Variants in ZHX2 observed in about 807,000 individuals in gnomAD.
The protein encoded by ZHX2 is zinc fingers and homeoboxes 2.
Under a neutral mutation model 21.9 loss-of-function variants are expected in ZHX2, and 6 were observed. The observed-to-expected ratio is 0.27, with a 90% confidence interval of 0.15 to 0.54. The LOEUF is 0.54. ZHX2 is among the 20% of genes least tolerant of loss of function. The pLI, the probability that ZHX2 is intolerant of heterozygous loss-of-function variation, is 0.95. For missense variants in ZHX2, 908 were observed against 1,090.7 expected, an observed-to-expected ratio of 0.83 and a Z score of 2.36; for synonymous variants, 434 against 437.1, an observed-to-expected ratio of 0.99 and a Z score of 0.09.
chr8:122,880,222 C>T (rs1346129424), intron 2 of ZHX2, among the ~76,000 whole-genome samples: 1 of 152,010 alleles, frequency 6.6e-6, no homozygotes, highest in Admixed American at 6.5e-5. Context: ...GATTCACCCG[C>T]CTCAGCCTCC....
At chr8:122,858,943 A>G (rs548954312) in intron 1 of ZHX2, among the ~76,000 whole-genome samples, 32 of 152,256 alleles carry the variant, frequency 2.1e-4, no homozygotes, top group African/African-American at 7.0e-4. Flanking sequence ...GCCCAGCCCA[A>G]TTCAGGTTAA....
chr8:122,865,305 T>G (rs1819264020), intron 2 of ZHX2, among the ~76,000 whole-genome samples: 1 of 152,052 alleles, frequency 6.6e-6, no homozygotes, highest in Admixed American at 6.5e-5. Context: ...ATTTTTTGTA[T>G]TTTTAGTAGA....
chr8:122,803,164 C>G (rs1018763895), intron 1 of ZHX2, among the ~76,000 whole-genome samples: 1 of 152,138 alleles, frequency 6.6e-6, no homozygotes, highest in Non-Finnish European at 1.5e-5. Context: ...GCAAAGCAAA[C>G]GCAGCCAGAT....
intron 2 of ZHX2, among the ~76,000 whole-genome samples, chr8:122,916,308 C>T (rs1403575739): frequency 4.6e-5 from 7 of 152,256 alleles, no homozygotes; most frequent in East Asian, 1.9e-4. Context: ...ATCTTCCAGC[C>T]GCATCCTTTT....
At chr8:122,955,333 C>T (rs774738254) in intron 3 of ZHX2, among the ~76,000 whole-genome samples, 7 of 152,088 alleles carry the variant, frequency 4.6e-5, no homozygotes, top group Non-Finnish European at 1.0e-4. Context: ...TAAAATACCA[C>T]GGAATGGGCC....
intron 2 of ZHX2, among the ~76,000 whole-genome samples, chr8:122,874,915 T>C (rs1819526889): frequency 6.6e-6 from 1 of 151,496 alleles, no homozygotes; most frequent in Non-Finnish European, 1.5e-5. Flanking sequence ...TGGGTTTATG[T>C]CCCAGCTCTA....
chr8:122,971,146 C>T (rs184950968), intron 3 of ZHX2, among the ~76,000 whole-genome samples: 32 of 152,286 alleles, frequency 2.1e-4, no homozygotes, highest in African/African-American at 6.7e-4. Flanking sequence ...ATGAGATGAG[C>T]CGTATTACCA....
chr8:122,834,580 C>T (rs1015052743), intron 1 of ZHX2, among the ~76,000 whole-genome samples: 1 of 152,224 alleles, frequency 6.6e-6, no homozygotes, highest in Non-Finnish European at 1.5e-5. Context: ...TTTTACTTTC[C>T]TCATCACGAT....
intron 2 of ZHX2, among the ~76,000 whole-genome samples, chr8:122,897,144 A>G (rs1165929176): frequency 6.6e-6 from 1 of 152,174 alleles, no homozygotes; most frequent in African/African-American, 2.4e-5. Flanking sequence ...GGCACTGAGC[A>G]CTGGAGTCAC....
At chr8:122,932,370 GT>G (rs1821015278) in intron 2 of ZHX2, among the ~76,000 whole-genome samples, 1 of 152,162 alleles carries the variant, frequency 6.6e-6, no homozygotes, top group African/African-American at 2.4e-5. Context: ...TAAAGTCAAG[GT>G]ATTGGCGGGC....
At chr8:122,935,895 A>T (rs1488027737) in intron 2 of ZHX2, among the ~76,000 whole-genome samples, 2 of 151,236 alleles carry the variant, frequency 1.3e-5, no homozygotes, top group Non-Finnish European at 2.9e-5. Flanking sequence ...AGCACTTACC[A>T]CTCTAAGTTC....
chr8:122,818,198 C>T (rs1370524561), intron 1 of ZHX2, among the ~76,000 whole-genome samples: 2 of 152,066 alleles, frequency 1.3e-5, no homozygotes, highest in Non-Finnish European at 2.9e-5. Context: ...AACATTTCAT[C>T]CAGATTTACA....
chr8:122,932,561 C>T (rs1250241324), intron 2 of ZHX2, among the ~76,000 whole-genome samples: 6 of 152,168 alleles, frequency 3.9e-5, no homozygotes, highest in Non-Finnish European at 7.4e-5. Flanking sequence ...ACCCAGGAGG[C>T]GAAGGTTGCA....
At chr8:122,864,507 G>A (rs1013661020) in intron 2 of ZHX2, among the ~76,000 whole-genome samples, 29 of 152,026 alleles carry the variant, frequency 1.9e-4, no homozygotes, top group African/African-American at 7.0e-4. Context: ...GAGGCTCTGG[G>A]GAGCCTATCT....
Position 122,924,092 on chromosome 8 carries a change from G to A in ZHX2, c.-219-27200G>A, listed in dbSNP as rs1820798340. The stretch of plus-strand genomic sequence containing the variant: ...GATTCCTGCTTTGCGTGGTGTATCA[G>A]TTTCCTAGGACTGCTGTAACAAAGC... On this transcript the variant is annotated intron_variant, in intron 2 of 3. Transcript: ENST00000314393. Among the ~76,000 whole-genome samples, 4 of 152,302 alleles carry A rather than the reference G, an allele frequency of 2.6e-5. No individual in the cohort carries two copies. In the South Asian group the frequency reaches 8.3e-4, roughly 32 times the overall value.
intron 1 of ZHX2, among the ~76,000 whole-genome samples, chr8:122,794,168 C>A (rs1001341818): frequency 1.3e-5 from 2 of 152,080 alleles, no homozygotes; most frequent in African/African-American, 4.8e-5. Flanking sequence ...ACATAGAATT[C>A]AAGAAAAGAG....
intron 2 of ZHX2, among the ~76,000 whole-genome samples, chr8:122,901,805 T>G (rs1415142106): frequency 6.6e-6 from 1 of 152,134 alleles, no homozygotes; most frequent in Non-Finnish European, 1.5e-5. Context: ...CCCCATCTTG[T>G]GACAATCAAA....
intron 2 of ZHX2, among the ~76,000 whole-genome samples, chr8:122,938,168 C>T (rs1250064173): frequency 1.4e-5 from 2 of 146,374 alleles, no homozygotes; most frequent in African/African-American, 2.5e-5. Flanking sequence ...CTCCTGACCT[C>T]GTGATCCGCC....
intron 2 of ZHX2, among the ~76,000 whole-genome samples, chr8:122,935,817 G>A (rs930794359): frequency 2.6e-5 from 4 of 152,138 alleles, no homozygotes; most frequent in African/African-American, 9.7e-5. Flanking sequence ...TTACAGGTGT[G>A]AGCCACCACG....
Sources: allele counts gnomAD v4.1 joint callset (sites outside exome capture counted in the v4.1 genomes callset), GRCh38; gene constraint gnomAD v4.1.1; transcripts MANE v1.5; gene names NCBI Gene and HGNC (gene_info 2026-07-23, HGNC 2026-07-21).